IFNGR2: variants seen among roughly 807,000 people sequenced by gnomAD.
The protein encoded by IFNGR2 is interferon gamma receptor 2.
A neutral mutation model predicts 41.1 loss-of-function variants in IFNGR2; 15 were observed. The ratio of observed to expected loss-of-function variants is 0.37; its 90% CI spans 0.24 to 0.56. IFNGR2 has a LOEUF of 0.56. Among genes scored for constraint, IFNGR2 ranks in the 20% least tolerant of loss-of-function variants. The pLI is 0.81. For synonymous variants in IFNGR2, 161 were observed against 171.6 expected (o/e 0.94, Z 0.48); for missense variants, 362 against 415.7 (o/e 0.87, Z 1.12).
chr21:33,433,340 A>G (rs955537356), intron 6 of IFNGR2, among the ~76,000 whole-genome samples: 1 of 152,228 alleles, frequency 6.6e-6, no homozygotes, highest in African/African-American at 2.4e-5. Context: ...GATTCACAAC[A>G]GCCAAAAGGT....
intron 1 of IFNGR2, among the ~76,000 whole-genome samples, chr21:33,404,628 T>C (rs976397953): frequency 1.1e-4 from 17 of 152,114 alleles, no homozygotes; most frequent in Non-Finnish European, 2.9e-5. Flanking sequence ...GAGGTCTCAC[T>C]GTGTTGCCCA....
At chr21:33,422,535 T>TAAG (rs2083801591) in intron 3 of IFNGR2, among the ~76,000 whole-genome samples, 1 of 152,176 alleles carries the variant, frequency 6.6e-6, no homozygotes, top group Admixed American at 6.5e-5. Flanking sequence ...GTTAAGATGT[T>TAAG]AAAGTTTATG....
intron 2 of IFNGR2, among the ~76,000 whole-genome samples, chr21:33,419,699 A>G (rs546956659): frequency 2.6e-5 from 4 of 152,282 alleles, no homozygotes; most frequent in Non-Finnish European, 4.4e-5. Context: ...GACCTCGTAC[A>G]TGAATCATAT....
In IFNGR2 at chr21:33,421,371, A is replaced by G. The variant is rs121913198; in HGVS notation, c.207-109A>G. 51 of 785,188 alleles carry G rather than the reference A, an allele frequency of 6.5e-5. 1 individual carries two copies. The East Asian group carries it at 1.3e-3, about 20-fold the overall frequency. 48.6% of individuals were successfully genotyped at this position (785,188 alleles called of 1,614,324 possible). ...AAAAAGCGGGGGGGAACTGTATGGT[A>G]CATATAAATTGTATCTCAATAAACC... On this transcript the variant is annotated intron_variant, in intron 2 of 6. Transcript: ENST00000290219.
At chr21:33,407,872 C>T (rs1401012515) in intron 1 of IFNGR2, among the ~76,000 whole-genome samples, 2 of 147,814 alleles carry the variant, frequency 1.4e-5, no homozygotes, top group Non-Finnish European at 3.0e-5. Context: ...CCCCGCCAGC[C>T]TCAGCCTCCC....
At chr21:33,429,740 C>T (rs562250616) in intron 4 of IFNGR2, among the ~76,000 whole-genome samples, 1 of 152,274 alleles carries the variant, frequency 6.6e-6, no homozygotes, top group South Asian at 2.1e-4. Context: ...ATTCCGACTC[C>T]CAGAAGGAAA....
intron 1 of IFNGR2, among the ~76,000 whole-genome samples, chr21:33,408,822 G>T (rs1296451479): frequency 6.6e-6 from 1 of 152,158 alleles, no homozygotes; most frequent in Non-Finnish European, 1.5e-5. Flanking sequence ...AAGAGTTGAA[G>T]AAAGTCCAAT....
chr21:33,429,741 C>G (rs1229757328), intron 4 of IFNGR2, among the ~76,000 whole-genome samples: 1 of 152,184 alleles, frequency 6.6e-6, no homozygotes, highest in Non-Finnish European at 1.5e-5. Context: ...TTCCGACTCC[C>G]AGAAGGAAAA....
intron 2 of IFNGR2, among the ~76,000 whole-genome samples, chr21:33,419,361 G>C (rs2083774806): frequency 6.6e-6 from 1 of 152,124 alleles, no homozygotes; most frequent in South Asian, 2.1e-4. Context: ...GCCCGCCTCA[G>C]CCTCCCAAAG....
At chr21:33,430,368 C>T (rs2083875466) in intron 4 of IFNGR2, among the ~76,000 whole-genome samples, 1 of 152,204 alleles carries the variant, frequency 6.6e-6, no homozygotes, top group African/African-American at 2.4e-5. Context: ...CACCATTAAA[C>T]AGAAGAAAAG....
chr21:33,425,169 C>T (rs1281506547), intron 3 of IFNGR2, among the ~76,000 whole-genome samples: 1 of 152,160 alleles, frequency 6.6e-6, no homozygotes, highest in Non-Finnish European at 1.5e-5. Flanking sequence ...ATCTGCCCAC[C>T]TCAGCCTCCC....
intron 6 of IFNGR2, among the ~76,000 whole-genome samples, chr21:33,435,786 G>A (rs1415972322): frequency 1.3e-5 from 2 of 150,034 alleles, no homozygotes; most frequent in Non-Finnish European, 2.9e-5. Context: ...GGGAGGCTGA[G>A]GCAGGAGAAT....
At chr21:33,406,365 ACT>A (rs1396029616) in intron 1 of IFNGR2, among the ~76,000 whole-genome samples, 1 of 151,932 alleles carries the variant, frequency 6.6e-6, no homozygotes, top group Non-Finnish European at 1.5e-5. Flanking sequence ...ACAGAGCAAG[ACT>A]CTGTCTCAAA....
chr21:33,423,649 A>G (rs1315321672), intron 3 of IFNGR2, among the ~76,000 whole-genome samples: 2 of 150,290 alleles, frequency 1.3e-5, no homozygotes, highest in African/African-American at 4.9e-5. Context: ...TGATCCGCCC[A>G]TCTCAGCCTC....
intron 3 of IFNGR2, among the ~76,000 whole-genome samples, chr21:33,423,827 T>TG (rs1568958109): frequency 1.4e-4 from 6 of 41,560 alleles, no homozygotes; most frequent in Admixed American, 7.2e-4. Context: ...ACCCCATCTC[T>TG]ATTTTTTTTT....
At chr21:33,403,784 T>C (rs1340579156) in intron 1 of IFNGR2, among the ~76,000 whole-genome samples, 168 bp downstream of exon 1, 1 of 151,606 alleles carries the variant, frequency 6.6e-6, no homozygotes. Context: ...TCAGATCAGG[T>C]GGGAACCTGC....
chr21:33,403,699 G>A (rs1163694660), intron 1 of IFNGR2, 83 bp downstream of exon 1: 2 of 940,116 alleles, frequency 2.1e-6, no homozygotes, highest in Non-Finnish European at 2.8e-6. Flanking sequence ...ATCGTGGGGT[G>A]GGGGGAATCT....
intron 3 of IFNGR2, among the ~76,000 whole-genome samples, chr21:33,422,456 T>C (rs920434840): frequency 2.6e-5 from 4 of 152,220 alleles, no homozygotes; most frequent in African/African-American, 9.7e-5. Context: ...ATGAACAATT[T>C]TATTGTTGAC....
chr21:33,421,832 G>T, intron 3 of IFNGR2, 147 bp downstream of exon 3: 1 of 750,250 alleles, frequency 1.3e-6, no homozygotes, highest in Non-Finnish European at 2.4e-6. Context: ...CTCTGACCTT[G>T]GAGGCTGATG....
Sources: allele counts gnomAD v4.1 joint callset (sites outside exome capture counted in the v4.1 genomes callset), GRCh38; gene constraint gnomAD v4.1.1; transcripts MANE v1.5; gene names NCBI Gene and HGNC (gene_info 2026-07-23, HGNC 2026-07-21).